Variants in ZNF765 observed in about 807,000 individuals in gnomAD.
The protein encoded by ZNF765 is zinc finger protein 765.
A neutral mutation model predicts 44.7 loss-of-function variants in ZNF765; 37 were observed. That is an observed-to-expected ratio of 0.83 (90% CI 0.64 to 1.09). The LOEUF is 1.09. ZNF765 is among the 50% of genes least tolerant of loss of function. The pLI, the probability that ZNF765 is intolerant of heterozygous loss-of-function variation, is 0.00. For missense variants in ZNF765, 594 were observed against 626.1 expected (o/e 0.95, Z 0.55); for synonymous variants, 201 against 213.7 (o/e 0.94, Z 0.52).
At chr19:53,401,938 C>G (rs1164241982) in intron 2 of ZNF765, 127 bp from the exon 3 acceptor site, 2 of 1,601,446 alleles carry the variant, frequency 1.2e-6, no homozygotes. Flanking sequence ...TGAAAAATCC[C>G]TTACTCAGAT....
downstream of ZNF765, among the ~76,000 whole-genome samples, chr19:53,413,605 T>C (rs926157799): frequency 6.8e-6 from 1 of 148,066 alleles, no homozygotes; most frequent in African/African-American, 2.5e-5. Flanking sequence ...TTTAGGTTTT[T>C]TTTTTTTTTT....
rs149696677 is a variant in ZNF765 at position 53,401,549 on chromosome 19, C to T, written c.16-516C>T. Among the ~76,000 whole-genome samples, 601 of 148,008 alleles carry T rather than the reference C, an allele frequency of 4.1e-3. 3 individuals are homozygous for T. The highest frequency in any genetic ancestry group is 0.011 in the African/African-American group (442 of 40,034). On this transcript the variant is annotated intron_variant, in intron 2 of 3. Coordinates refer to ENST00000396408, the MANE Select transcript of ZNF765 (RefSeq NM_001040185.3). ...CTGTACTCCAGCCTGGGCGACAGAG[C>T]GAGACTCCGTCTCAAAAAAATAAAA... is the stretch of plus-strand genomic sequence containing the variant.
At position 53,408,015 on chromosome 19, in the gene ZNF765, T is replaced by A; in HGVS notation, c.460T>A (p.Phe154Ile). 1 of 1,614,176 alleles carries A rather than the reference T, an allele frequency of 6.2e-7. No homozygotes were observed. Among genetic ancestry groups the A allele is most frequent in the Non-Finnish European group, 8.5e-7 (1 of 1,180,016 alleles). The change falls in exon 4 of 4, where the codon TTT becomes ATT. Residue 154 changes from phenylalanine (F) to isoleucine (I), a missense_variant. Phe to Ile is a conservative substitution (Grantham distance 21, BLOSUM62 0). This residue lies in a region of ZNF765 where 567 missense variants were observed against 572.6 expected (regional missense o/e 0.99). Coordinates refer to ENST00000396408, the MANE Select transcript of ZNF765 (RefSeq NM_001040185.3). ...FHSHLPELHI[F>I]HTEEKIDNQV... ...TTCGCATCTGCCTGAACTGCACATA[T>A]TTCACACTGAAGAGAAAATTGATAA...
chr19:53,405,903 C>CTATATATATATA lies in ZNF765; in HGVS notation c.143-1758_143-1747dup, dbSNP rs10675178. On this transcript the variant is annotated intron_variant, in intron 3 of 3. Coordinates refer to ENST00000396408, the MANE Select transcript of ZNF765 (RefSeq NM_001040185.3). The stretch of plus-strand genomic sequence containing the variant: ...TAGTGAACTAGATAATTAATACCAA[C>CTATATATATATA]TATATATATATATATATATATATAT... 2.2e-3 allele frequency among the ~76,000 whole-genome samples: 108 copies of CTATATATATATA among 49,138 alleles called. 8 individuals carry two copies. Among genetic ancestry groups the CTATATATATATA allele is most frequent in the Non-Finnish European group, 3.1e-3 (63 of 20,368 alleles). The allele number at this position is 49,138 out of a possible 152,430, so 32.2% of individuals were successfully genotyped here.
chr19:53,424,372 G>C (rs1174233690), exon 4 of ZNF765: 2 of 152,040 alleles, frequency 1.3e-5, no homozygotes, highest in African/African-American at 4.8e-5. Flanking sequence ...TACTTGGGAG[G>C]CTGAGGCAGC....
chr19:53,396,320 A>G (rs112738914), intron 1 of ZNF765, among the ~76,000 whole-genome samples: 7,833 of 151,368 alleles, frequency 0.052, 270 homozygotes, highest in Middle Eastern at 0.12. Context: ...GCGGGAAACT[A>G]AGTACTAGAG....
downstream of ZNF765, among the ~76,000 whole-genome samples, chr19:53,416,381 G>A (rs1425940051): frequency 2.0e-5 from 3 of 152,082 alleles, no homozygotes; most frequent in Admixed American, 2.0e-4. Context: ...ACTCCCACCT[G>A]GCCGACAGAG....
chr19:53,396,474 A>T (rs1332024332), intron 1 of ZNF765, among the ~76,000 whole-genome samples: 1 of 152,242 alleles, frequency 6.6e-6, no homozygotes, highest in East Asian at 1.9e-4. Context: ...AAAGCAGTTA[A>T]TCATGTAATG....
At chr19:53,400,036 A>T (rs1239336267) in intron 2 of ZNF765, among the ~76,000 whole-genome samples, 1 of 151,872 alleles carries the variant, frequency 6.6e-6, no homozygotes, top group East Asian at 1.9e-4. Context: ...GCTGATCTTG[A>T]ACTCCTGACA....
chr19:53,410,775 C>T lies in ZNF765; in HGVS notation c.*1648C>T, dbSNP rs2085826422. 2.3e-6 allele frequency: 1 copy of T among 444,244 alleles called. No homozygotes were observed. The highest frequency in any genetic ancestry group is 2.0e-5 in the African/African-American group (1 of 49,438). 27.5% of individuals were successfully genotyped at this position (444,244 alleles called of 1,614,324 possible). The stretch of plus-strand genomic sequence containing the variant: ...AACCTTACAAATGTCATGATTGTGA[C>T]AAGGTCTCAGTCAAGCTTCATTCTA... On this transcript the variant is annotated 3_prime_UTR_variant, in exon 4 of 4. Coordinates refer to ENST00000396408, the MANE Select transcript of ZNF765 (RefSeq NM_001040185.3).
Position 53,408,259 on chromosome 19 carries a change from T to G in ZNF765, c.704T>G (p.Leu235Ter). ...NCSSLLRKHQ[L>*]IHLGEKQYKC... ...AGCTCACTCTTAAGGAAACATCAGT[T>G]AATCCATTTAGGAGAGAAACAATAT... The change falls in exon 4 of 4, where the codon TTA (leucine) becomes TGA (stop). Residue 235 changes from leucine to a stop codon, truncating the protein, a stop_gained. Transcript: ENST00000396408. LOFTEE classifies it high-confidence loss of function. The G allele has an allele frequency of 6.2e-7, 1 of 1,614,222 alleles. No homozygotes were observed. The highest frequency in any genetic ancestry group is 8.5e-7 in the Non-Finnish European group (1 of 1,180,036).
chr19:53,405,544 A>C (rs941500874), intron 3 of ZNF765, among the ~76,000 whole-genome samples: 9 of 151,382 alleles, frequency 5.9e-5, no homozygotes, highest in Non-Finnish European at 1.2e-4. Context: ...AGCATTCTTC[A>C]TGGTTTAGCC....
At chr19:53,414,340 T>A (rs12985065), downstream of ZNF765, among the ~76,000 whole-genome samples, 111,846 of 136,408 alleles carry the variant, frequency 0.82, 46,826 homozygotes, top group Non-Finnish European at 0.88. Context: ...TGGAGAGCAA[T>A]ATGTGAGTTT....
chr19:53,408,326 C>T lies in ZNF765; in HGVS notation c.771C>T (p.Tyr257=), dbSNP rs371360141. The change falls in exon 4 of 4, where the codon TAC becomes TAT. Residue 257 remains tyrosine (Y), a synonymous_variant. Transcript: ENST00000396408. Reference sequence around the variant, plus strand: ...GCAAGGTCTTTAATTCGAAGCGATACGTTGCACGCCATCGTAGATGTCACA... The same window carrying T: ...GCAAGGTCTTTAATTCGAAGCGATATGTTGCACGCCATCGTAGATGTCACA... The part of the protein sequence containing the change: ...ICGKVFNSKR[Y]VARHRRCHTG... 1.3e-5 allele frequency: 21 copies of T among 1,614,050 alleles called. No homozygotes were observed. Among genetic ancestry groups the T allele is most frequent in the South Asian group, 8.8e-5 (8 of 91,092 alleles).
chr19:53,404,962 A>C (rs1422866795), intron 3 of ZNF765, among the ~76,000 whole-genome samples: 2 of 152,190 alleles, frequency 1.3e-5, no homozygotes, highest in African/African-American at 4.8e-5. Flanking sequence ...TCACACCTCT[A>C]ATCCCAACAG....
At position 53,400,896 on chromosome 19, in the gene ZNF765, G is replaced by A. The variant is rs187254707; in HGVS notation, c.16-1169G>A. On this transcript the variant is annotated intron_variant, in intron 2 of 3. Transcript: ENST00000396408. ...TGCCCAGGCTGGAGCACAGTGGCAC[G>A]ATCTTAGCTCACTGAAACCTCCACC... is the stretch of plus-strand genomic sequence containing the variant. Among the ~76,000 whole-genome samples, 6 of 151,758 alleles carry A rather than the reference G, an allele frequency of 4.0e-5. No homozygotes were observed. In the East Asian group the frequency reaches 1.2e-3, roughly 29 times the overall value.
At chr19:53,403,341 C>CAT (rs1433553486) in intron 3 of ZNF765, among the ~76,000 whole-genome samples, 1 of 151,156 alleles carries the variant, frequency 6.6e-6, no homozygotes, top group Non-Finnish European at 1.5e-5. Context: ...GATTCTGTTA[C>CAT]ATATTATCTG....
Position 53,408,749 on chromosome 19 carries a change from T to C in ZNF765, c.1194T>C (p.Leu398=), listed in dbSNP as rs771037796. ...CSKTFSHKSS[L]TYHRRLHTEE... ...AGACCTTTAGTCACAAGTCATCTCTTACATACCATCGTAGACTTCATACTG... is the reference window on the plus strand; with the variant it reads ...AGACCTTTAGTCACAAGTCATCTCTCACATACCATCGTAGACTTCATACTG... Residue 398 remains leucine, a synonymous_variant, in exon 4 of 4, where the codon CTT becomes CTC. Transcript: ENST00000396408. 8.9e-6 allele frequency: 14 copies of C among 1,575,436 alleles called. No individual in the cohort carries two copies. In the South Asian group the frequency reaches 1.5e-4, roughly 17 times the overall value.
At chr19:53,404,067 C>G (rs1305760711) in intron 3 of ZNF765, among the ~76,000 whole-genome samples, 1 of 152,096 alleles carries the variant, frequency 6.6e-6, no homozygotes, top group Non-Finnish European at 1.5e-5. Flanking sequence ...TGTTATTTGC[C>G]TATTCATTTA....
Sources: gnomAD v4.1 joint callset for allele counts (sites outside exome capture counted in the v4.1 genomes callset) on GRCh38, gnomAD v4.1.1 for gene constraint, gnomAD v4.1.1 regional missense constraint, MANE v1.5 for transcripts, NCBI Gene and HGNC (gene_info 2026-07-23, HGNC 2026-07-21) for gene names.